The following CTNNA2 variants were observed in gnomAD, a reference collection of about 807,000 sequenced individuals.
CTNNA2 encodes the protein catenin alpha-2.
Under a neutral mutation model 101.0 loss-of-function variants are expected in CTNNA2, and 42 were observed. The ratio of observed to expected loss-of-function variants is 0.42; its 90% CI spans 0.32 to 0.54. The LOEUF (loss-of-function observed/expected upper bound fraction) is 0.54. CTNNA2 is among the 20% of genes least tolerant of loss of function. The probability of loss-of-function intolerance (pLI) is 0.14; values close to 1 mark genes in which losing one functional copy is unlikely to be tolerated. For missense variants in CTNNA2, 871 were observed against 1,223.1 expected, an observed-to-expected ratio of 0.71 and a Z score of 4.29; for synonymous variants, 450 against 456.4, an observed-to-expected ratio of 0.99 and a Z score of 0.18.
intron 9 of CTNNA2, among the ~76,000 whole-genome samples, chr2:80,511,361 C>T (rs1262188944): frequency 6.6e-6 from 1 of 152,114 alleles, no homozygotes; most frequent in Non-Finnish European, 1.5e-5. Context: ...GTGAGGCTAC[C>T]TCTAGGTACT....
At chr2:80,644,217 C>T (rs1673810009) in intron 18 of CTNNA2, among the ~76,000 whole-genome samples, 1 of 152,074 alleles carries the variant, frequency 6.6e-6, no homozygotes, top group South Asian at 2.1e-4. Context: ...AACTTCCTCA[C>T]TTATTAAATG....
At chr2:79,236,861 C>G (rs1461182189) in intron 2 of CTNNA2, among the ~76,000 whole-genome samples, 3 of 152,140 alleles carry the variant, frequency 2.0e-5, no homozygotes, top group Non-Finnish European at 4.4e-5. Context: ...AATTATAGTT[C>G]CCTTGCTATT....
At chr2:80,476,334 G>A (rs915167606) in intron 9 of CTNNA2, among the ~76,000 whole-genome samples, 2 of 152,118 alleles carry the variant, frequency 1.3e-5, no homozygotes, top group Non-Finnish European at 1.5e-5. Flanking sequence ...AATGGCAGAT[G>A]AGCTTCACGT....
rs561485469 is a variant in CTNNA2 at position 80,548,378 on chromosome 2, A to G, written c.1540+2315A>G. ...CTTTTCCAACCTATTCTTTAAATGC[A>G]TGCATAAACATTTCTGAGGGTGGGG... On this transcript the variant is annotated intron_variant, in intron 11 of 18. Transcript: ENST00000402739. 2.8e-4 allele frequency among the ~76,000 whole-genome samples: 43 copies of G among 152,284 alleles called. No individual in the cohort carries two copies. The South Asian group carries it at 6.0e-3, about 21-fold the overall frequency.
intron 3 of CTNNA2, among the ~76,000 whole-genome samples, chr2:79,344,626 TA>T (rs1387593751): frequency 5.9e-5 from 9 of 151,858 alleles, no homozygotes; most frequent in Admixed American, 2.0e-4. Flanking sequence ...AGGCCTTTTT[TA>T]ATAAAGTCCA....
At chr2:79,780,267 C>T (rs1311659777) in intron 3 of CTNNA2, among the ~76,000 whole-genome samples, 1 of 152,190 alleles carries the variant, frequency 6.6e-6, no homozygotes, top group Non-Finnish European at 1.5e-5. Context: ...GCCACCATGG[C>T]CACATGTTCT....
intron 2 of CTNNA2, among the ~76,000 whole-genome samples, chr2:79,677,078 C>T (rs1180642820): frequency 2.0e-5 from 3 of 152,178 alleles, no homozygotes; most frequent in South Asian, 2.1e-4. Flanking sequence ...TACATCACCA[C>T]ACCCAACTAA....
intron 1 of CTNNA2, among the ~76,000 whole-genome samples, chr2:79,595,779 G>C (rs947700322): frequency 2.6e-5 from 4 of 151,676 alleles, no homozygotes; most frequent in African/African-American, 9.7e-5. Flanking sequence ...AATCTATACT[G>C]TACACAGTTG....
chr2:79,763,252 C>T (rs1233393048), intron 3 of CTNNA2, among the ~76,000 whole-genome samples: 1 of 152,030 alleles, frequency 6.6e-6, no homozygotes, highest in South Asian at 2.1e-4. Flanking sequence ...AGATGCAGAC[C>T]AAGATCAATG....
intron 3 of CTNNA2, among the ~76,000 whole-genome samples, chr2:79,759,926 G>GC (rs1672665655): frequency 6.6e-6 from 1 of 151,302 alleles, no homozygotes; most frequent in Non-Finnish European, 1.5e-5. Context: ...ATTCTTTTTT[G>GC]CCCCCTCATT....
At chr2:80,502,894 T>C (rs1687984050) in intron 9 of CTNNA2, among the ~76,000 whole-genome samples, 1 of 152,162 alleles carries the variant, frequency 6.6e-6, no homozygotes, top group African/African-American at 2.4e-5. Flanking sequence ...TGGCAGGGCA[T>C]GGAGGCTTAT....
chr2:79,190,657 C>A (rs1354757796), intron 1 of CTNNA2, among the ~76,000 whole-genome samples: 3 of 152,028 alleles, frequency 2.0e-5, no homozygotes, highest in African/African-American at 4.8e-5. Context: ...CACAGGCCAC[C>A]AACCATGTAC....
intron 7 of CTNNA2, among the ~76,000 whole-genome samples, chr2:80,140,559 T>C (rs1255724139): frequency 2.0e-5 from 3 of 152,136 alleles, no homozygotes; most frequent in Non-Finnish European, 4.4e-5. Context: ...TTGAAACAGA[T>C]GCTCCAACCC....
At chr2:80,521,604 G>A (rs1002831265) in intron 9 of CTNNA2, among the ~76,000 whole-genome samples, 1 of 152,158 alleles carries the variant, frequency 6.6e-6, no homozygotes, top group Non-Finnish European at 1.5e-5. Flanking sequence ...GATGCAAGGA[G>A]AGAAAGACTT....
intron 9 of CTNNA2, among the ~76,000 whole-genome samples, chr2:80,480,232 G>T (rs1686046083): frequency 6.6e-6 from 1 of 151,942 alleles, no homozygotes; most frequent in Admixed American, 6.6e-5. Flanking sequence ...CATGGAATTG[G>T]ACAAAGAGCT....
intron 4 of CTNNA2, among the ~76,000 whole-genome samples, chr2:79,378,994 C>G (rs11679898): frequency 0.3 from 45,222 of 151,982 alleles, 7,018 homozygotes; most frequent in Middle Eastern, 0.46. Flanking sequence ...TTCCCAGCCT[C>G]AGTACCACTT....
At chr2:79,614,207 A>T (rs1226308455) in intron 1 of CTNNA2, among the ~76,000 whole-genome samples, 1 of 152,206 alleles carries the variant, frequency 6.6e-6, no homozygotes, top group Non-Finnish European at 1.5e-5. Context: ...CCTCTTTAAT[A>T]TGTTATATCA....
intron 2 of CTNNA2, among the ~76,000 whole-genome samples, chr2:79,727,443 C>T (rs1686918220): frequency 6.6e-6 from 1 of 152,060 alleles, no homozygotes; most frequent in Non-Finnish European, 1.5e-5. Flanking sequence ...AAAAGGAGAT[C>T]TCTGATATTC....
At chr2:80,151,416 T>A (rs2148928560) in intron 7 of CTNNA2, among the ~76,000 whole-genome samples, 1 of 152,272 alleles carries the variant, frequency 6.6e-6, no homozygotes, top group South Asian at 2.1e-4. Context: ...AGCTATTGCT[T>A]CTCTTTGAGG....
Sources: allele counts gnomAD v4.1 joint callset (sites outside exome capture counted in the v4.1 genomes callset), GRCh38; gene constraint gnomAD v4.1.1; transcripts MANE v1.5; gene names NCBI Gene and HGNC (gene_info 2026-07-23, HGNC 2026-07-21).